Variants in DSE observed in about 807,000 individuals in gnomAD.
The protein encoded by DSE is dermatan-sulfate epimerase.
In DSE, 36 loss-of-function variants were observed where a neutral mutation model predicts 84.4. That is an observed-to-expected ratio of 0.43 (90% CI 0.33 to 0.56). The LOEUF (loss-of-function observed/expected upper bound fraction) is 0.56. Among genes scored for constraint, DSE ranks in the 20% least tolerant of loss-of-function variants. The pLI, the probability that DSE is intolerant of heterozygous loss-of-function variation, is 0.06. For missense variants in DSE, 862 were observed against 1,169.6 expected (o/e 0.74, Z 3.84); for synonymous variants, 410 against 430.1 (o/e 0.95, Z 0.58).
In DSE at chr6:116,420,474, G is replaced by A. The variant is rs556060180; in HGVS notation, c.417-6100G>A. Among the ~76,000 whole-genome samples, 11 of 152,284 alleles carry A rather than the reference G, an allele frequency of 7.2e-5. 1 individual carries two copies. In the South Asian group the frequency reaches 2.3e-3, roughly 32 times the overall value. ...CCTTATCCCCACACCATACATCTAGGACAGGCCAGGTGAGCACACAGTAAG... is the reference window on the plus strand; with the variant it reads ...CCTTATCCCCACACCATACATCTAGAACAGGCCAGGTGAGCACACAGTAAG... On this transcript the variant is annotated intron_variant, in intron 2 of 5. Transcript: ENST00000644252.
At chr6:116,394,163 A>T (rs1781090506) in intron 1 of DSE, among the ~76,000 whole-genome samples, 2 of 152,234 alleles carry the variant, frequency 1.3e-5, no homozygotes, top group Admixed American at 6.5e-5. Context: ...GTTATTGAAG[A>T]GTAAAAGATC....
chr6:116,380,778 C>G (rs1780174449), intron 1 of DSE, among the ~76,000 whole-genome samples: 1 of 152,146 alleles, frequency 6.6e-6, no homozygotes, highest in South Asian at 2.1e-4. Context: ...ACAGAGAGGA[C>G]TGAAATAATA....
intron 2 of DSE, among the ~76,000 whole-genome samples, chr6:116,313,615 A>G (rs1259157441): frequency 2.0e-5 from 3 of 152,238 alleles, no homozygotes; most frequent in African/African-American, 4.8e-5. Flanking sequence ...AACTAAGTGA[A>G]TCACCATTAG....
intron 2 of DSE, among the ~76,000 whole-genome samples, chr6:116,280,524 T>A (rs1458726504): frequency 2.0e-5 from 3 of 152,224 alleles, no homozygotes; most frequent in Non-Finnish European, 4.4e-5. Flanking sequence ...CCAGGATCAG[T>A]TTGCTAAATG....
intron 3 of DSE, 121 bp downstream of exon 3, chr6:116,426,948 C>A: frequency 7.5e-7 from 1 of 1,338,018 alleles, no homozygotes; most frequent in Non-Finnish European, 1.0e-6. Flanking sequence ...CTAACTAAAC[C>A]CATGAAATGA....
rs534701248 is a variant in DSE, at chr6:116,396,703, T to A, written c.-53-2495T>A. The stretch of plus-strand genomic sequence containing the variant: ...GGTTTAAATATATTCAGACATATCC[T>A]ACGTAACTGGAAGCAATGTGGCAGA... On this transcript the variant is annotated intron_variant, in intron 1 of 5. Coordinates refer to ENST00000644252, the MANE Select transcript of DSE (RefSeq NM_013352.4). Among the ~76,000 whole-genome samples, 16 of 152,286 alleles carry A rather than the reference T, an allele frequency of 1.1e-4. No homozygotes were observed. The South Asian group carries it at 3.3e-3, about 32-fold the overall frequency.
chr6:116,343,972 G>A (rs1354297403), intron 2 of DSE, among the ~76,000 whole-genome samples: 1 of 152,192 alleles, frequency 6.6e-6, no homozygotes, highest in Non-Finnish European at 1.5e-5. Flanking sequence ...GCCATGGCAT[G>A]AGAACTACGT....
rs1020497426 is a variant in DSE at position 116,326,148 on chromosome 6, T to A, written c.-54+67181T>A. ...ATTTCATTTCTGCCTTTTAGTTTTA[T>A]CTTTTTCTTTCTTTGGAGGCAGAAA... On this transcript the variant is annotated intron_variant, in intron 2 of 3. Transcript: ENST00000430252. Among the ~76,000 whole-genome samples, 11 of 152,124 alleles carry A rather than the reference T, an allele frequency of 7.2e-5. No individual in the cohort carries two copies. In the East Asian group the frequency reaches 9.7e-4, roughly 13 times the overall value.
At chr6:116,335,413 T>A (rs1218077937) in intron 2 of DSE, among the ~76,000 whole-genome samples, 1 of 152,030 alleles carries the variant, frequency 6.6e-6, no homozygotes, top group Non-Finnish European at 1.5e-5. Flanking sequence ...TTAGGAAAAA[T>A]AACTCATGAG....
chr6:116,275,693 G>A (rs1042505773), intron 2 of DSE, among the ~76,000 whole-genome samples: 1 of 152,040 alleles, frequency 6.6e-6, no homozygotes, highest in Non-Finnish European at 1.5e-5. Flanking sequence ...CCAGCTACTC[G>A]GGAGGCTGAT....
At chr6:116,266,822 T>G (rs1772648284) in intron 2 of DSE, among the ~76,000 whole-genome samples, 1 of 152,254 alleles carries the variant, frequency 6.6e-6, no homozygotes, top group Admixed American at 6.5e-5. Context: ...AATAAATCCT[T>G]GTAAAAATAC....
intron 2 of DSE, among the ~76,000 whole-genome samples, chr6:116,343,325 T>C (rs1399033252): frequency 3.9e-5 from 6 of 152,216 alleles, no homozygotes; most frequent in Admixed American, 2.6e-4. Flanking sequence ...GTTTGTGATC[T>C]GAGAATGGAC....
rs762921516 is a variant in DSE, at chr6:116,436,342, G to C, written c.1874G>C (p.Ser625Thr). ...TACTGGATGGACGATACTGGCTACA[G>C]CGAGAAAGCAACCTTTGCCTCAGTG... is the stretch of plus-strand genomic sequence containing the variant. ...KMYWMDDTGYSEKATFASVTY... is the reference protein window; with the variant it reads ...KMYWMDDTGYTEKATFASVTY... The change falls in exon 6 of 6, where the codon AGC (serine) becomes ACC (threonine). Residue 625 changes from serine to threonine, a missense_variant. This residue lies in a region of DSE where 186 missense variants were observed against 255.1 expected (regional missense o/e 0.73). Coordinates refer to ENST00000644252, the MANE Select transcript of DSE (RefSeq NM_013352.4). The C allele has an allele frequency of 6.2e-7, 1 of 1,614,180 alleles. No individual in the cohort carries two copies. The highest frequency in any genetic ancestry group is 8.5e-7 in the Non-Finnish European group (1 of 1,180,022).
chr6:116,274,478 G>C (rs569962806), intron 2 of DSE, among the ~76,000 whole-genome samples: 1 of 151,880 alleles, frequency 6.6e-6, no homozygotes, highest in South Asian at 2.1e-4. Flanking sequence ...CAGGAGAATC[G>C]CTTGAACCCA....
chr6:116,300,611 G>A (rs1774979679), intron 2 of DSE, among the ~76,000 whole-genome samples: 1 of 152,184 alleles, frequency 6.6e-6, no homozygotes, highest in South Asian at 2.1e-4. Flanking sequence ...TCTGCCTCAG[G>A]CAATCAAGTC....
chr6:116,331,801 A>G (rs1776957126), intron 2 of DSE, among the ~76,000 whole-genome samples: 1 of 152,154 alleles, frequency 6.6e-6, no homozygotes. Context: ...TACTAAAAAT[A>G]CAAAAATTAG....
chr6:116,347,618 C>T (rs985436906), intron 2 of DSE, among the ~76,000 whole-genome samples: 1 of 152,204 alleles, frequency 6.6e-6, no homozygotes, highest in African/African-American at 2.4e-5. Context: ...TGGATCCCTT[C>T]CTTACACCGC....
intron 2 of DSE, among the ~76,000 whole-genome samples, chr6:116,354,829 A>C (rs1326593271): frequency 6.6e-6 from 1 of 152,148 alleles, no homozygotes; most frequent in Non-Finnish European, 1.5e-5. Context: ...CATGTTTTAC[A>C]TTACTTTTTA....
rs142317502 is a variant in DSE, at chr6:116,397,576, C to T, written c.-53-1622C>T. 1.4e-3 allele frequency among the ~76,000 whole-genome samples: 219 copies of T among 152,252 alleles called. 1 individual carries two copies. Among genetic ancestry groups the T allele is most frequent in the Non-Finnish European group, 2.7e-3 (184 of 68,024 alleles). ...GACTGAGCATTACCTCAGACCCAGC[C>T]ATTTCTGTGTGCTGCCAGAGACCAC... On this transcript the variant is annotated intron_variant, in intron 1 of 5. Transcript: ENST00000644252.
Sources: allele counts gnomAD v4.1 joint callset (sites outside exome capture counted in the v4.1 genomes callset), GRCh38; gene constraint gnomAD v4.1.1; regional missense constraint gnomAD v4.1.1; transcripts MANE v1.5; gene names NCBI Gene and HGNC (gene_info 2026-07-23, HGNC 2026-07-21).